BTBD9: variants seen among roughly 807,000 people sequenced by gnomAD.
BTBD9 encodes the protein BTB domain containing 9, also known as BTB/POZ domain-containing protein 9.
In BTBD9, 49 loss-of-function variants were observed where a neutral mutation model predicts 64.3. The observed-to-expected ratio is 0.76, with a 90% CI of 0.61 to 0.97. The LOEUF is 0.97. Among genes scored for constraint, BTBD9 ranks in the 50% least tolerant of loss-of-function variants. The probability of loss-of-function intolerance (pLI) is 0.00; values close to 1 mark genes in which losing one functional copy is unlikely to be tolerated. For missense variants in BTBD9, 598 were observed against 762.1 expected (o/e 0.78, Z 2.53); for synonymous variants, 260 against 274.7 (o/e 0.95, Z 0.53).
chr6:38,636,883 T>C (rs1778545127), intron 1 of BTBD9, among the ~76,000 whole-genome samples: 1 of 152,198 alleles, frequency 6.6e-6, no homozygotes, highest in Non-Finnish European at 1.5e-5. Context: ...ATAGCAGGAA[T>C]GGGTTCATTA....
intron 7 of BTBD9, among the ~76,000 whole-genome samples, chr6:38,309,909 T>C (rs940134589): frequency 1.3e-5 from 2 of 152,140 alleles, no homozygotes; most frequent in African/African-American, 4.8e-5. Flanking sequence ...GGGTATGCTA[T>C]AGAGAAAATG....
At chr6:38,442,661 C>CTTTTTTTTTTTT (rs11313452) in intron 6 of BTBD9, among the ~76,000 whole-genome samples, 2 of 57,538 alleles carry the variant, frequency 3.5e-5, no homozygotes, top group Non-Finnish European at 6.1e-5. Context: ...CATTTGTACT[C>CTTTTTTTTTTTT]TTTTTTTTTT....
intron 6 of BTBD9, among the ~76,000 whole-genome samples, chr6:38,500,070 A>G (rs1023305471): frequency 3.9e-5 from 6 of 152,114 alleles, no homozygotes; most frequent in Admixed American, 3.9e-4. Flanking sequence ...CCTCACACAC[A>G]CCATGCATAC....
chr6:38,193,383 A>G (rs1762162984), intron 9 of BTBD9, among the ~76,000 whole-genome samples: 1 of 152,148 alleles, frequency 6.6e-6, no homozygotes, highest in Non-Finnish European at 1.5e-5. Context: ...AGTTCTCCAC[A>G]GGCCTCTACC....
At chr6:38,601,597 G>A (rs1038584505) in intron 1 of BTBD9, among the ~76,000 whole-genome samples, 6 of 152,016 alleles carry the variant, frequency 3.9e-5, no homozygotes, top group Non-Finnish European at 7.4e-5. Flanking sequence ...GAGTCAGGAG[G>A]ATCACTTGAG....
intron 9 of BTBD9, among the ~76,000 whole-genome samples, chr6:38,252,062 G>A (rs1764421851): frequency 6.6e-6 from 1 of 152,130 alleles, no homozygotes; most frequent in Non-Finnish European, 1.5e-5. Flanking sequence ...AACAAACCAA[G>A]AGAAGCTCCA....
intron 7 of BTBD9, among the ~76,000 whole-genome samples, chr6:38,308,277 C>T (rs1265009691): frequency 2.0e-5 from 3 of 152,132 alleles, no homozygotes; most frequent in Non-Finnish European, 4.4e-5. Flanking sequence ...ACCAACCATC[C>T]AATTCTGTGT....
At chr6:38,319,443 G>A (rs1057051795) in intron 7 of BTBD9, among the ~76,000 whole-genome samples, 9 of 152,018 alleles carry the variant, frequency 5.9e-5, no homozygotes, top group Non-Finnish European at 1.3e-4. Flanking sequence ...GGCTCACAGT[G>A]TGTACTACTT....
intron 6 of BTBD9, among the ~76,000 whole-genome samples, chr6:38,457,300 T>A (rs1769864848): frequency 6.6e-6 from 1 of 152,326 alleles, no homozygotes; most frequent in Non-Finnish European, 1.5e-5. Flanking sequence ...GGCTGCCACA[T>A]AAATACTTTA....
In BTBD9 at chr6:38,192,547, A is replaced by G; in HGVS notation, c.1613T>C (p.Ile538Thr). The change falls in exon 10 of 11, where the codon ATC (isoleucine) becomes ACC (threonine). Residue 538 changes from isoleucine to threonine, a missense_variant. Ile to Thr is a moderately conservative substitution (Grantham distance 89). Coordinates refer to ENST00000481247, the MANE Select transcript of BTBD9 (RefSeq NM_001099272.2). ...FERQPASFIR[I>T]VGTHNTANEV... ...ATTTGCTGTGTTGTGTGTCCCAACG[A>G]TACGGATGAAGGAGGCAGGCTGCCT... The G allele has an allele frequency of 1.2e-6, 2 of 1,613,984 alleles. No individual in the cohort carries two copies. The highest frequency in any genetic ancestry group is 1.1e-5 in the South Asian group (1 of 91,048).
chr6:38,370,741 A>G (rs80355264), intron 6 of BTBD9, among the ~76,000 whole-genome samples: 3,008 of 152,340 alleles, frequency 0.02, 35 homozygotes, highest in Middle Eastern at 0.068. Context: ...ATAAATTCAC[A>G]CTAACAGCAG....
chr6:38,371,548 G>C (rs781326002), intron 6 of BTBD9, among the ~76,000 whole-genome samples: 1 of 152,194 alleles, frequency 6.6e-6, no homozygotes, highest in Non-Finnish European at 1.5e-5. Flanking sequence ...CAGGGTGAAC[G>C]AGATGGATGA....
intron 1 of BTBD9, among the ~76,000 whole-genome samples, chr6:38,621,287 T>C (rs1777972043): frequency 6.6e-6 from 1 of 152,212 alleles, no homozygotes; most frequent in African/African-American, 2.4e-5. Flanking sequence ...GTGCTTCAAA[T>C]ACGCACATGT....
chr6:38,429,941 C>T (rs1447840856), intron 6 of BTBD9, among the ~76,000 whole-genome samples: 2 of 151,946 alleles, frequency 1.3e-5, no homozygotes, highest in African/African-American at 4.9e-5. Flanking sequence ...TCAGCAGAAC[C>T]TAGAGATCAG....
At chr6:38,334,585 C>G (rs1763810472) in intron 7 of BTBD9, among the ~76,000 whole-genome samples, 12 of 112,548 alleles carry the variant, frequency 1.1e-4, no homozygotes, top group Admixed American at 9.7e-4. Flanking sequence ...AATAACATAA[C>G]ATAACATAAC....
intron 8 of BTBD9, among the ~76,000 whole-genome samples, chr6:38,275,528 C>A (rs1765354328): frequency 6.7e-6 from 1 of 150,346 alleles, no homozygotes; most frequent in African/African-American, 2.4e-5. Flanking sequence ...AGCTTCTGCA[C>A]AGCAAAAGAA....
At chr6:38,325,727 C>T (rs1030855029) in intron 7 of BTBD9, among the ~76,000 whole-genome samples, 7 of 152,092 alleles carry the variant, frequency 4.6e-5, no homozygotes, top group African/African-American at 1.7e-4. Flanking sequence ...AAAAAGAGCC[C>T]CAGCTCATTA....
intron 6 of BTBD9, among the ~76,000 whole-genome samples, chr6:38,395,268 A>C (rs1582357574): frequency 6.6e-6 from 1 of 150,926 alleles, no homozygotes; most frequent in African/African-American, 2.4e-5. Flanking sequence ...CTGCCTCTAC[A>C]AAAAAAAAAT....
intron 7 of BTBD9, among the ~76,000 whole-genome samples, chr6:38,306,618 CA>C (rs1762634764): frequency 6.6e-6 from 1 of 152,200 alleles, no homozygotes; most frequent in South Asian, 2.1e-4. Flanking sequence ...TACAAAGCAC[CA>C]GGGGTGGCCA....
Sources: allele counts gnomAD v4.1 joint callset (sites outside exome capture counted in the v4.1 genomes callset), GRCh38; gene constraint gnomAD v4.1.1; transcripts MANE v1.5; gene names NCBI Gene and HGNC (gene_info 2026-07-23, HGNC 2026-07-21).